Variants in KCNH1 observed in about 807,000 individuals in gnomAD.
KCNH1 encodes the protein potassium voltage-gated channel subfamily H member 1.
KCNH1 carries 27 observed loss-of-function variants against 69.2 expected under a neutral mutation model. That is an observed-to-expected ratio of 0.39 (90% CI 0.29 to 0.54). The LOEUF (loss-of-function observed/expected upper bound fraction) is 0.54, where lower values mean the gene tolerates loss of function less well. Among genes scored for constraint, KCNH1 ranks in the 20% least tolerant of loss-of-function variants. The pLI, the probability that KCNH1 is intolerant of heterozygous loss-of-function variation, is 0.68. For missense variants in KCNH1, 798 were observed against 1,261.6 expected, an observed-to-expected ratio of 0.63 and a Z score of 5.57; for synonymous variants, 456 against 487.7, an observed-to-expected ratio of 0.93 and a Z score of 0.86.
intron 6 of KCNH1, among the ~76,000 whole-genome samples, chr1:210,941,842 G>A (rs1268042998): frequency 1.3e-5 from 2 of 152,140 alleles, no homozygotes; most frequent in Non-Finnish European, 2.9e-5. Context: ...GCTAGAAGGA[G>A]GATCAGTATT....
chr1:211,097,892 T>C (rs533456951), intron 3 of KCNH1, among the ~76,000 whole-genome samples: 19 of 152,354 alleles, frequency 1.2e-4, no homozygotes, highest in African/African-American at 4.1e-4. Context: ...GTCTAGAGGA[T>C]GTACTGACTG....
intron 10 of KCNH1, among the ~76,000 whole-genome samples, chr1:210,692,231 G>A (rs1681542829): frequency 6.6e-6 from 1 of 152,222 alleles, no homozygotes; most frequent in African/African-American, 2.4e-5. Context: ...GGCATGGGCA[G>A]TAGGTGGATT....
intron 7 of KCNH1, among the ~76,000 whole-genome samples, chr1:210,816,741 TAA>T (rs1684824821): frequency 6.6e-6 from 1 of 152,234 alleles, no homozygotes; most frequent in Non-Finnish European, 1.5e-5. Flanking sequence ...CACATAATTT[TAA>T]AAGTCATTTA....
At chr1:210,984,573 C>T (rs1026876473) in intron 6 of KCNH1, among the ~76,000 whole-genome samples, 28 of 152,090 alleles carry the variant, frequency 1.8e-4, no homozygotes, top group Admixed American at 1.6e-3. Flanking sequence ...TGCTGGATTA[C>T]GTTTTTTGAT....
chr1:210,878,956 C>A (rs988257809), intron 7 of KCNH1, among the ~76,000 whole-genome samples: 3 of 151,888 alleles, frequency 2.0e-5, no homozygotes, highest in Non-Finnish European at 4.4e-5. Context: ...TACATCACTA[C>A]AGACCTCATG....
intron 7 of KCNH1, among the ~76,000 whole-genome samples, chr1:210,904,522 C>G (rs139973242): frequency 1.4e-4 from 21 of 152,266 alleles, no homozygotes; most frequent in African/African-American, 4.8e-4. Context: ...TAAAGCCTGT[C>G]ATTTCATAAT....
intron 5 of KCNH1, among the ~76,000 whole-genome samples, chr1:211,060,488 T>C (rs542959188): frequency 1.9e-5 from 2 of 104,996 alleles, no homozygotes; most frequent in African/African-American, 3.7e-5. Flanking sequence ...AAGATCAGAA[T>C]AGAAATAAAT....
At chr1:210,804,225 G>A in intron 7 of KCNH1, 59 bp from the exon 8 acceptor site, 2 of 1,459,142 alleles carry the variant, frequency 1.4e-6, no homozygotes, top group African/African-American at 1.4e-5. Flanking sequence ...CCTGAGCCAG[G>A]GTTCCAGAAT....
At chr1:210,706,637 T>C (rs1400757779) in intron 10 of KCNH1, among the ~76,000 whole-genome samples, 3 of 152,224 alleles carry the variant, frequency 2.0e-5, no homozygotes, top group Non-Finnish European at 4.4e-5. Flanking sequence ...GGTAATGATA[T>C]CTTTGAGGCC....
chr1:210,988,358 G>A (rs566207705), intron 6 of KCNH1, among the ~76,000 whole-genome samples: 3 of 152,116 alleles, frequency 2.0e-5, no homozygotes, highest in Non-Finnish European at 4.4e-5. Context: ...CAGAAATCAC[G>A]GGTCTTCTGC....
chr1:210,691,021 C>T (rs1393140047), intron 10 of KCNH1, among the ~76,000 whole-genome samples: 1 of 152,196 alleles, frequency 6.6e-6, no homozygotes, highest in Non-Finnish European at 1.5e-5. Context: ...GTTCCCCAAA[C>T]CTCAGTTTCA....
intron 10 of KCNH1, among the ~76,000 whole-genome samples, chr1:210,722,477 G>T (rs960147715): frequency 2.0e-5 from 3 of 152,140 alleles, no homozygotes; most frequent in African/African-American, 7.2e-5. Flanking sequence ...TCATGAGAAG[G>T]GATCAGAAGT....
At chr1:210,692,184 T>G (rs1681541842) in intron 10 of KCNH1, among the ~76,000 whole-genome samples, 1 of 152,176 alleles carries the variant, frequency 6.6e-6, no homozygotes, top group African/African-American at 2.4e-5. Flanking sequence ...TTAACTGGCA[T>G]CTTATTCACT....
At chr1:210,804,253 T>A in intron 7 of KCNH1, 87 bp from the exon 8 acceptor site, 1 of 1,159,212 alleles carries the variant, frequency 8.6e-7, no homozygotes, top group Non-Finnish European at 1.2e-6. Flanking sequence ...TTGCTCAGAG[T>A]AGGCCAATGG....
At position 211,025,729 on chromosome 1, in the gene KCNH1, G is replaced by A. The variant is rs74913888; in HGVS notation, c.559-6473C>T. ...GGGGCATAAAACCCCTCCTGGCTTC[G>A]ACAGAATCCATGGCTCAGGGCATAA... is the stretch of plus-strand genomic sequence containing the variant. On this transcript the variant is annotated intron_variant, in intron 5 of 10. Coordinates refer to ENST00000271751, the MANE Select transcript of KCNH1 (RefSeq NM_172362.3). Among the ~76,000 whole-genome samples, 486 of 152,148 alleles carry A rather than the reference G, an allele frequency of 3.2e-3. 11 individuals are homozygous for A. Among genetic ancestry groups the A allele is most frequent in the Admixed American group, 0.023 (352 of 15,278 alleles).
chr1:210,838,449 C>A lies in KCNH1; in HGVS notation c.1463-34283G>T, dbSNP rs1055813663. ...GGATTAAAAACTTAAATATAAAACC[C>A]AAAACTATAAAAAGCCTAGAAGAAA... On this transcript the variant is annotated intron_variant, in intron 7 of 10. Transcript: ENST00000271751. Among the ~76,000 whole-genome samples the A allele has an allele frequency of 7.3e-5, 11 of 151,602 alleles. No homozygotes were observed. In the East Asian group the frequency reaches 2.1e-3, roughly 29 times the overall value.
chr1:210,893,381 T>C (rs975575236), intron 7 of KCNH1, among the ~76,000 whole-genome samples: 1 of 152,180 alleles, frequency 6.6e-6, no homozygotes, highest in African/African-American at 2.4e-5. Context: ...AGAAATCTGA[T>C]GCCTTTGTTC....
chr1:210,852,790 C>A (rs1300817123), intron 7 of KCNH1, among the ~76,000 whole-genome samples: 1 of 152,136 alleles, frequency 6.6e-6, no homozygotes. Context: ...CAAACACTAG[C>A]TTTACTAATC....
At chr1:210,865,421 T>A (rs1686086044) in intron 7 of KCNH1, among the ~76,000 whole-genome samples, 1 of 152,200 alleles carries the variant, frequency 6.6e-6, no homozygotes, top group Non-Finnish European at 1.5e-5. Context: ...CTAAATCTGT[T>A]AACTACTTGT....
Sources: allele counts gnomAD v4.1 joint callset (sites outside exome capture counted in the v4.1 genomes callset), GRCh38; gene constraint gnomAD v4.1.1; transcripts MANE v1.5; gene names NCBI Gene and HGNC (gene_info 2026-07-23, HGNC 2026-07-21).